NUP210: variants seen among roughly 807,000 people sequenced by gnomAD.
NUP210 encodes nucleoporin 210, also known as nuclear pore membrane glycoprotein 210.
In NUP210, 151 loss-of-function variants were observed where a neutral mutation model predicts 196.0. That is an observed-to-expected ratio of 0.77 (90% CI 0.67 to 0.88). The LOEUF (loss-of-function observed/expected upper bound fraction) is 0.88, where lower values mean the gene tolerates loss of function less well. Among genes scored for constraint, NUP210 ranks in the 40% least tolerant of loss-of-function variants. The pLI, the probability that NUP210 is intolerant of heterozygous loss-of-function variation, is 0.00. For synonymous variants in NUP210, 1,070 were observed against 1,052.7 expected (o/e 1.02, Z -0.32); for missense variants, 2,314 against 2,493.7 (o/e 0.93, Z 1.53).
intron 14 of NUP210, among the ~76,000 whole-genome samples, chr3:13,361,188 C>T (rs1259210322): frequency 2.6e-5 from 4 of 152,196 alleles, no homozygotes; most frequent in Non-Finnish European, 1.5e-5. Flanking sequence ...TACTTTGCAC[C>T]ACGTATGCAC....
intron 10 of NUP210, 33 bp from the exon 11 acceptor site, chr3:13,375,674 G>A (rs2124915803): frequency 5.6e-6 from 9 of 1,600,440 alleles, no homozygotes; most frequent in East Asian, 4.5e-5. Context: ...ACGTAACCAT[G>A]ACAACCATGT....
intron 20 of NUP210, among the ~76,000 whole-genome samples, chr3:13,346,275 T>C (rs1333212097): frequency 6.6e-6 from 1 of 152,174 alleles, no homozygotes; most frequent in Non-Finnish European, 1.5e-5. Context: ...GGAGGGCACT[T>C]GGCCGCTAGC....
At chr3:13,338,122 A>C (rs1440311296) in intron 25 of NUP210, among the ~76,000 whole-genome samples, 1 of 152,156 alleles carries the variant, frequency 6.6e-6, no homozygotes, top group Non-Finnish European at 1.5e-5. Flanking sequence ...TGCCTCTCCC[A>C]AGGCCCCGCA....
chr3:13,327,151 TA>T (rs1696790821), intron 32 of NUP210, 65 bp downstream of exon 32: 1 of 1,328,940 alleles, frequency 7.5e-7, no homozygotes, highest in East Asian at 2.5e-5. Context: ...CCTGCCCAGG[TA>T]GCCCCCACCC....
chr3:13,345,058 C>T (rs888424671), intron 20 of NUP210: 2 of 985,410 alleles, frequency 2.0e-6, no homozygotes, highest in Non-Finnish European at 2.4e-6. Context: ...CACATGCCCT[C>T]GGGACTCAGC....
At chr3:13,408,296 T>C (rs1180978063) in intron 1 of NUP210, among the ~76,000 whole-genome samples, 1 of 152,236 alleles carries the variant, frequency 6.6e-6, no homozygotes. Flanking sequence ...ATTGTGCTTT[T>C]GGTCTGTGGG....
At chr3:13,345,588 T>C (rs745718146) in intron 20 of NUP210, among the ~76,000 whole-genome samples, 3 of 152,342 alleles carry the variant, frequency 2.0e-5, no homozygotes, top group Non-Finnish European at 4.4e-5. Context: ...ACACCACCCG[T>C]GTAATGATGG....
intron 28 of NUP210, among the ~76,000 whole-genome samples, chr3:13,334,938 C>T (rs1484183851): frequency 6.6e-6 from 1 of 152,210 alleles, no homozygotes; most frequent in Non-Finnish European, 1.5e-5. Flanking sequence ...AGGCCACCCC[C>T]AACTTACCCT....
intron 9 of NUP210, among the ~76,000 whole-genome samples, chr3:13,376,713 T>C (rs1698923095): frequency 6.6e-6 from 1 of 152,080 alleles, no homozygotes; most frequent in Non-Finnish European, 1.5e-5. Context: ...GCTTGGAGCC[T>C]ACCGAGGTCT....
rs113734634 is a variant in NUP210, at chr3:13,325,857, G to C, written c.4582C>G (p.Arg1528Gly). Residue 1528 changes from arginine to glycine, a missense_variant, in exon 33 of 40, where the codon CGG becomes GGG. Transcript: ENST00000254508. ...IDPKTGVAVA[R>G]AVGSVTVYYE... ...TAAACCGTCACGGATCCCACGGCCCGGGCCACAGCCACACCCGTCTTGGGG... is the reference window on the plus strand; with the variant it reads ...TAAACCGTCACGGATCCCACGGCCCCGGCCACAGCCACACCCGTCTTGGGG... 1.9e-6 allele frequency: 3 copies of C among 1,613,974 alleles called. No homozygotes were observed. Among genetic ancestry groups the C allele is most frequent in the Admixed American group, 3.3e-5 (2 of 60,030 alleles).
chr3:13,334,096 C>G (rs767972778), intron 28 of NUP210, among the ~76,000 whole-genome samples: 39 of 152,190 alleles, frequency 2.6e-4, no homozygotes, highest in Non-Finnish European at 4.6e-4. Context: ...ATCTTCCTAT[C>G]TTTACATGAC....
At chr3:13,396,919 T>A (rs560484816) in intron 3 of NUP210, among the ~76,000 whole-genome samples, 2 of 152,208 alleles carry the variant, frequency 1.3e-5, no homozygotes, top group Admixed American at 6.5e-5. Context: ...CCCACAAACA[T>A]GCTCTGAGGT....
chr3:13,372,537 T>C (rs1698765895), intron 12 of NUP210, among the ~76,000 whole-genome samples: 2 of 152,072 alleles, frequency 1.3e-5, no homozygotes, highest in South Asian at 4.2e-4. Flanking sequence ...CAGAGAGAGA[T>C]GCGACAGCTT....
At chr3:13,399,095 G>A (rs1416611273) in intron 2 of NUP210, among the ~76,000 whole-genome samples, 3 of 151,832 alleles carry the variant, frequency 2.0e-5, no homozygotes, top group South Asian at 2.1e-4. Context: ...GGTGAAACCC[G>A]TCTCTATTGA....
intron 20 of NUP210, 140 bp downstream of exon 20, chr3:13,351,739 C>T (rs978397885): frequency 1.6e-6 from 1 of 626,300 alleles, no homozygotes; most frequent in Non-Finnish European, 2.9e-6. Context: ...CTCAAGTGAT[C>T]TTCCTGCCTT....
intron 4 of NUP210, among the ~76,000 whole-genome samples, chr3:13,389,080 G>A (rs1023792879): frequency 3.3e-5 from 5 of 152,226 alleles, no homozygotes; most frequent in Non-Finnish European, 5.9e-5. Flanking sequence ...ACTTCAGCCT[G>A]CATTTACAAA....
intron 1 of NUP210, among the ~76,000 whole-genome samples, 200 bp downstream of exon 1, chr3:13,419,860 C>T (rs1414438981): frequency 1.3e-5 from 2 of 151,774 alleles, no homozygotes; most frequent in South Asian, 2.1e-4. Flanking sequence ...CTCAGCGGCG[C>T]GGAGGCCCGG....
At chr3:13,356,274 C>T (rs1400815457) in intron 16 of NUP210, among the ~76,000 whole-genome samples, 1 of 152,238 alleles carries the variant, frequency 6.6e-6, no homozygotes, top group Admixed American at 6.5e-5. Flanking sequence ...TCTTGGGTAG[C>T]CTCTGAAGTT....
At chr3:13,360,157 T>C in intron 15 of NUP210, 113 bp downstream of exon 15, 1 of 879,322 alleles carries the variant, frequency 1.1e-6, no homozygotes, top group Non-Finnish European at 1.8e-6. Flanking sequence ...ATGGGTACAA[T>C]AGGAGTGGCT....
Sources: gnomAD v4.1 joint callset for allele counts (sites outside exome capture counted in the v4.1 genomes callset) on GRCh38, gnomAD v4.1.1 for gene constraint, MANE v1.5 for transcripts, NCBI Gene and HGNC (gene_info 2026-07-23, HGNC 2026-07-21) for gene names.